Variants in SUMF1 observed in about 807,000 individuals in gnomAD.
The protein encoded by SUMF1 is sulfatase modifying factor 1.
A neutral mutation model predicts 47.6 loss-of-function variants in SUMF1; 48 were observed. The observed-to-expected ratio is 1.01, with a 90% CI of 0.80 to 1.28. The LOEUF is 1.28. Ranked by LOEUF, SUMF1 falls within the 50% of genes most tolerant of loss-of-function variation. The pLI is 0.00. For missense variants in SUMF1, 571 were observed against 485.4 expected (o/e 1.18, Z -1.66); for synonymous variants, 230 against 192.1 (o/e 1.20, Z -1.63).
intron 8 of SUMF1, among the ~76,000 whole-genome samples, chr3:4,304,290 G>GCCCC (rs1559211653): frequency 4.0e-5 from 6 of 151,446 alleles, no homozygotes; most frequent in African/African-American, 1.5e-4. Flanking sequence ...TACAGGCATG[G>GCCCC]GCCACCACGC....
intron 8 of SUMF1, chr3:4,313,409 A>G (rs775055979): frequency 1.2e-6 from 2 of 1,614,022 alleles, no homozygotes; most frequent in South Asian, 1.1e-5. Context: ...AGATTCCTTA[A>G]TCATTCTTGT....
At chr3:4,367,120 T>C (rs1699994238) in intron 8 of SUMF1, among the ~76,000 whole-genome samples, 2 of 151,880 alleles carry the variant, frequency 1.3e-5, no homozygotes, top group Admixed American at 1.3e-4. Flanking sequence ...GGTGTCAGTC[T>C]GCCCCTACTG....
At chr3:4,073,234 TA>T (rs1692325648) in intron 8 of SUMF1, among the ~76,000 whole-genome samples, 3 of 152,142 alleles carry the variant, frequency 2.0e-5, no homozygotes, top group Admixed American at 2.0e-4. Flanking sequence ...CCAGCCAAAC[TA>T]AGATTCATAA....
At chr3:4,262,779 A>G (rs1378212512) in intron 8 of SUMF1, among the ~76,000 whole-genome samples, 2 of 152,190 alleles carry the variant, frequency 1.3e-5, no homozygotes, top group African/African-American at 4.8e-5. Context: ...GCAACTGTCC[A>G]TGAGGCCATG....
intron 8 of SUMF1, among the ~76,000 whole-genome samples, chr3:4,300,180 T>G (rs1169372448): frequency 6.6e-6 from 1 of 152,114 alleles, no homozygotes; most frequent in Admixed American, 6.5e-5. Context: ...ATCCGGTCAT[T>G]TAAAAGTGTG....
At chr3:4,323,686 C>T (rs527539607) in intron 8 of SUMF1, among the ~76,000 whole-genome samples, 24 of 152,230 alleles carry the variant, frequency 1.6e-4, no homozygotes, top group African/African-American at 5.3e-4. Context: ...ACATTTGTTT[C>T]TGGGAAGAAT....
At chr3:4,038,708 T>A (rs1450425017) in intron 9 of SUMF1, among the ~76,000 whole-genome samples, 1 of 152,054 alleles carries the variant, frequency 6.6e-6, no homozygotes, top group African/African-American at 2.4e-5. Flanking sequence ...CTTTGTTTCT[T>A]CCCCAGACTG....
chr3:4,449,381 A>C, intron 2 of SUMF1, 41 bp from the exon 3 acceptor site: 8 of 1,599,236 alleles, frequency 5.0e-6, no homozygotes, highest in Non-Finnish European at 6.9e-6. Context: ...AAAAGGTTGT[A>C]GTAATGTGTT....
chr3:4,093,355 G>A (rs73806900), intron 8 of SUMF1, among the ~76,000 whole-genome samples: 16,448 of 151,936 alleles, frequency 0.11, 1,730 homozygotes, highest in African/African-American at 0.25. Flanking sequence ...CTAAAGTGCT[G>A]GCCACAAAAA....
chr3:4,109,991 G>A (rs1693254363), intron 8 of SUMF1, among the ~76,000 whole-genome samples: 1 of 152,148 alleles, frequency 6.6e-6, no homozygotes, highest in Non-Finnish European at 1.5e-5. Flanking sequence ...TTTGGAGGAG[G>A]AGAGGCGCTC....
At chr3:4,124,735 GT>G (rs1237407852) in intron 8 of SUMF1, among the ~76,000 whole-genome samples, 2 of 151,790 alleles carry the variant, frequency 1.3e-5, no homozygotes, top group Non-Finnish European at 2.9e-5. Flanking sequence ...TTGAGGTTCT[GT>G]TTTTAGCAAT....
At chr3:4,277,664 G>T (rs1311014333) in intron 8 of SUMF1, among the ~76,000 whole-genome samples, 1 of 152,106 alleles carries the variant, frequency 6.6e-6, no homozygotes, top group African/African-American at 2.4e-5. Context: ...TGGCATAAAT[G>T]AGAATGACTT....
intron 5 of SUMF1, 52 bp downstream of exon 5, chr3:4,417,958 G>A (rs1005815251): frequency 6.2e-7 from 1 of 1,612,676 alleles, no homozygotes; most frequent in Non-Finnish European, 8.5e-7. Context: ...GTTGTTGTTT[G>A]TTTGTTCAAA....
At chr3:4,358,026 G>GC (rs2125167109), downstream of SUMF1, among the ~76,000 whole-genome samples, 1 of 152,188 alleles carries the variant, frequency 6.6e-6, no homozygotes, top group South Asian at 2.1e-4. Flanking sequence ...AAAAGAAAAT[G>GC]CCCATATTGA....
chr3:4,459,163 T>C (rs984993402), intron 1 of SUMF1, among the ~76,000 whole-genome samples: 3 of 152,162 alleles, frequency 2.0e-5, no homozygotes, highest in African/African-American at 7.2e-5. Context: ...ATTATATATT[T>C]CGCAATTATT....
intron 8 of SUMF1, among the ~76,000 whole-genome samples, chr3:4,320,855 A>G (rs1698814979): frequency 1.3e-5 from 2 of 152,090 alleles, no homozygotes; most frequent in African/African-American, 4.8e-5. Context: ...CCCTGCACTT[A>G]TGGGAGTAGG....
At chr3:4,197,324 A>G (rs1275936467) in intron 8 of SUMF1, among the ~76,000 whole-genome samples, 4 of 152,050 alleles carry the variant, frequency 2.6e-5, no homozygotes, top group South Asian at 2.1e-4. Context: ...CGTGTTGCCC[A>G]GTATGGGCTC....
chr3:4,266,288 G>C (rs1697193810), intron 8 of SUMF1, among the ~76,000 whole-genome samples: 1 of 152,158 alleles, frequency 6.6e-6, no homozygotes, highest in South Asian at 2.1e-4. Context: ...TAGCTTGATG[G>C]GGATGGCAAT....
intron 8 of SUMF1, among the ~76,000 whole-genome samples, chr3:4,305,062 G>A (rs1017086568): frequency 6.6e-6 from 1 of 152,086 alleles, no homozygotes; most frequent in Non-Finnish European, 1.5e-5. Context: ...CTGAAGACCT[G>A]GGATCAATAG....
Sources: allele counts gnomAD v4.1 joint callset (sites outside exome capture counted in the v4.1 genomes callset), GRCh38; gene constraint gnomAD v4.1.1; transcripts MANE v1.5; gene names NCBI Gene and HGNC (gene_info 2026-07-23, HGNC 2026-07-21).